ACACB: variants seen among roughly 807,000 people sequenced by gnomAD.
ACACB encodes acetyl-CoA carboxylase 2.
In ACACB, 209 loss-of-function variants were observed where a neutral mutation model predicts 278.8. That is an observed-to-expected ratio of 0.75 (90% CI 0.67 to 0.84). The LOEUF is 0.84. Ranked by LOEUF, ACACB falls within the 40% of genes least tolerant of loss-of-function variation. ACACB has a pLI of 0.00. For synonymous variants in ACACB, 1,174 were observed against 1,285.6 expected (o/e 0.91, Z 1.86); for missense variants, 2,850 against 3,269.0 (o/e 0.87, Z 3.13).
Position 109,174,741 on chromosome 12 carries a change from A to C in ACACB, c.1216+511A>C, listed in dbSNP as rs372491010. Among the ~76,000 whole-genome samples the C allele has an allele frequency of 6.6e-5, 10 of 151,948 alleles. No homozygotes were observed. The South Asian group carries it at 1.0e-3, about 16-fold the overall frequency. ...AAAAATTAACTGGTTATGGTGGTGC[A>C]TACCTGTAGTCCCAACTACTGAGGA... is the stretch of plus-strand genomic sequence containing the variant. On this transcript the variant is annotated intron_variant, in intron 7 of 52. Coordinates refer to ENST00000338432, the MANE Select transcript of ACACB (RefSeq NM_001093.4).
chr12:109,173,502 T>C (rs544482894), intron 6 of ACACB, among the ~76,000 whole-genome samples: 1 of 152,320 alleles, frequency 6.6e-6, no homozygotes, highest in Non-Finnish European at 1.5e-5. Context: ...TGAGTACATG[T>C]GGGCATCTGT....
chr12:109,139,116 C>T (rs978865009), intron 1 of ACACB, among the ~76,000 whole-genome samples: 2 of 152,182 alleles, frequency 1.3e-5, no homozygotes, highest in African/African-American at 2.4e-5. Flanking sequence ...ACTTCATATA[C>T]TTGGAATCGT....
Position 109,140,555 on chromosome 12 carries a change from G to T in ACACB, c.653+497G>T, listed in dbSNP as rs541650870. ...GCCTGTAATCCCAGCTGCTTGGAAG[G>T]CTGAGGCGGGAGAATCTCTTGAACC... On this transcript the variant is annotated intron_variant, in intron 2 of 52. Transcript: ENST00000338432. Among the ~76,000 whole-genome samples the T allele has an allele frequency of 3.3e-5, 5 of 152,292 alleles. No homozygotes were observed. The South Asian group carries it at 1.0e-3, about 32-fold the overall frequency.
upstream of ACACB, among the ~76,000 whole-genome samples, chr12:109,114,944 A>G (rs2042374585): frequency 6.6e-6 from 1 of 152,158 alleles, no homozygotes; most frequent in African/African-American, 2.4e-5. Context: ...TATTTCTATT[A>G]CCGTTCTTGT....
At chr12:109,201,818 G>C (rs2045342754) in intron 19 of ACACB, 117 bp downstream of exon 19, 3 of 1,380,362 alleles carry the variant, frequency 2.2e-6, no homozygotes, top group Non-Finnish European at 2.9e-6. Flanking sequence ...TCCACCTGCA[G>C]ACAGAGCTCG....
At chr12:109,262,254 C>A in intron 48 of ACACB, 103 bp from the exon 49 acceptor site, 2 of 852,152 alleles carry the variant, frequency 2.3e-6, no homozygotes, top group South Asian at 1.6e-5. Flanking sequence ...GACTGACACC[C>A]AGATCTTCTG....
chr12:109,247,928 G>A (rs922648623), intron 40 of ACACB, among the ~76,000 whole-genome samples: 2 of 152,222 alleles, frequency 1.3e-5, no homozygotes, highest in Non-Finnish European at 2.9e-5. Context: ...AAAATAGCAC[G>A]TCATGTAGGG....
At chr12:109,202,058 CCT>C (rs2045351701) in intron 19 of ACACB, among the ~76,000 whole-genome samples, 1 of 152,178 alleles carries the variant, frequency 6.6e-6, no homozygotes, top group Non-Finnish European at 1.5e-5. Context: ...TGGCGGCTGT[CCT>C]CTCTGCTGTG....
chr12:109,140,141 T>C, intron 2 of ACACB, 83 bp downstream of exon 2: 1 of 1,423,772 alleles, frequency 7.0e-7, no homozygotes, highest in Non-Finnish European at 9.3e-7. Context: ...CCCACCTTGA[T>C]CAAGCTGTTT....
rs754146596 is a variant in ACACB at position 109,172,278 on chromosome 12, G to C, written c.1039G>C (p.Val347Leu). The C allele has an allele frequency of 6.2e-7, 1 of 1,613,800 alleles. No individual in the cohort carries two copies. The highest frequency in any genetic ancestry group is 8.5e-7 in the Non-Finnish European group (1 of 1,179,996). ...TCACCCCTTTCTGTGTTTGCAGGCG[G>C]TGTGGGCTGGCTGGGGCCATGCTTC... ...DIAKRIPVQA[V>L]WAGWGHASEN... Residue 347 changes from valine to leucine, a missense_variant, in exon 6 of 53, where the codon GTG becomes CTG. Physicochemically the swap from Val to Leu is conservative, Grantham distance 32. Coordinates refer to ENST00000338432, the MANE Select transcript of ACACB (RefSeq NM_001093.4).
rs186789604 is a variant in ACACB at position 109,267,670 on chromosome 12, G to C, written c.*1308G>C. 3.3e-5 allele frequency: 5 copies of C among 152,526 alleles called. No homozygotes were observed. The highest frequency in any genetic ancestry group is 7.3e-5 in the Non-Finnish European group (5 of 68,162). The allele number at this position is 152,526 out of a possible 1,614,324, so 9.4% of individuals were successfully genotyped here. On this transcript the variant is annotated 3_prime_UTR_variant, in exon 53 of 53. Transcript: ENST00000338432. ...CCGAGGGGCAGAGCTGTCGGTGACT[G>C]AGGACTGGACTGTGGTGACCATGCC...
chr12:109,238,819 C>G (rs1565959190), intron 34 of ACACB, among the ~76,000 whole-genome samples: 1 of 151,970 alleles, frequency 6.6e-6, no homozygotes, highest in Non-Finnish European at 1.5e-5. Context: ...CCCACTTCGG[C>G]CTCCCAAAGT....
intron 2 of ACACB, among the ~76,000 whole-genome samples, chr12:109,158,744 T>A (rs1301419957): frequency 6.6e-6 from 1 of 152,162 alleles, no homozygotes; most frequent in East Asian, 1.9e-4. Flanking sequence ...GAGGCCAAGG[T>A]GGGCAGATCG....
intron 2 of ACACB, among the ~76,000 whole-genome samples, chr12:109,161,753 T>TG (rs1286037362): frequency 1.7e-5 from 2 of 119,332 alleles, no homozygotes; most frequent in Non-Finnish European, 3.9e-5. Context: ...GTGTGTGTGG[T>TG]GTGTGTGTGT....
chr12:109,209,049 C>A, intron 20 of ACACB, 116 bp from the exon 21 acceptor site: 1 of 1,203,216 alleles, frequency 8.3e-7, no homozygotes, highest in Non-Finnish European at 1.2e-6. Context: ...TCTGGATCTT[C>A]AGCCACTTGA....
chr12:109,218,701 TG>T (rs1023926930), intron 24 of ACACB, among the ~76,000 whole-genome samples: 7 of 150,470 alleles, frequency 4.7e-5, no homozygotes, highest in African/African-American at 1.7e-4. Flanking sequence ...TCGCCCAGGC[TG>T]GGGTGCAATG....
intron 10 of ACACB, 78 bp from the exon 11 acceptor site, chr12:109,179,839 A>T: frequency 6.7e-7 from 1 of 1,489,402 alleles, no homozygotes; most frequent in South Asian, 1.3e-5. Context: ...GCATTTGGTG[A>T]AGGAACTGAT....
chr12:109,140,165 C>T, intron 2 of ACACB, 107 bp downstream of exon 2: 1 of 1,229,066 alleles, frequency 8.1e-7, no homozygotes, highest in Admixed American at 3.0e-5. Flanking sequence ...GATGCCAAAG[C>T]TTCAAGGGTG....
chr12:109,166,887 T>G lies in ACACB; in HGVS notation c.680T>G (p.Val227Gly). Reference sequence around the variant, plus strand: ...CCGAGCATGTCGGGACTCCACCTGGTGAAGAGGGGACGGGAACACAAGAAG... The same window carrying G: ...CCGAGCATGTCGGGACTCCACCTGGGGAAGAGGGGACGGGAACACAAGAAG... ...MRPSMSGLHL[V>G]KRGREHKKLD... The change falls in exon 3 of 53, where the codon GTG (valine) becomes GGG (glycine). Residue 227 changes from valine (V) to glycine (G), a missense_variant. Coordinates refer to ENST00000338432, the MANE Select transcript of ACACB (RefSeq NM_001093.4). 6.2e-7 allele frequency: 1 copy of G among 1,613,876 alleles called. No individual in the cohort carries two copies. Among genetic ancestry groups the G allele is most frequent in the Non-Finnish European group, 8.5e-7 (1 of 1,180,004 alleles).
Sources: gnomAD v4.1 joint callset for allele counts (sites outside exome capture counted in the v4.1 genomes callset) on GRCh38, gnomAD v4.1.1 for gene constraint, MANE v1.5 for transcripts, NCBI Gene and HGNC (gene_info 2026-07-23, HGNC 2026-07-21) for gene names.